PIGK: variants seen among roughly 807,000 people sequenced by gnomAD.
PIGK encodes the protein phosphatidylinositol glycan anchor biosynthesis class K.
PIGK carries 42 observed loss-of-function variants against 50.6 expected under a neutral mutation model. That is an observed-to-expected ratio of 0.83 (90% confidence interval 0.65 to 1.07). The LOEUF (loss-of-function observed/expected upper bound fraction) is 1.07. Among genes scored for constraint, PIGK ranks in the 50% least tolerant of loss-of-function variants. PIGK has a pLI of 0.00. For missense variants in PIGK, 448 were observed against 488.7 expected, an observed-to-expected ratio of 0.92 and a Z score of 0.78; for synonymous variants, 151 against 156.0, an observed-to-expected ratio of 0.97 and a Z score of 0.24.
chr1:77,181,455 G>A (rs1655612396), intron 3 of PIGK, among the ~76,000 whole-genome samples: 1 of 152,058 alleles, frequency 6.6e-6, no homozygotes, highest in South Asian at 2.1e-4. Context: ...TAAATAAATT[G>A]TATTGGTTAA....
intron 9 of PIGK, among the ~76,000 whole-genome samples, chr1:77,130,136 T>C (rs528591757): frequency 1.5e-3 from 220 of 151,306 alleles, no homozygotes; most frequent in Non-Finnish European, 2.5e-3. Flanking sequence ...GAAATAGATG[T>C]TACAAATAAC....
chr1:77,136,061 T>G (rs1222478847), intron 9 of PIGK, among the ~76,000 whole-genome samples: 1 of 152,226 alleles, frequency 6.6e-6, no homozygotes, highest in Non-Finnish European at 1.5e-5. Flanking sequence ...CTTTAGGTAT[T>G]AAGGTATTTT....
At chr1:77,132,813 G>A (rs1361914866) in intron 9 of PIGK, among the ~76,000 whole-genome samples, 17 of 152,000 alleles carry the variant, frequency 1.1e-4, no homozygotes, top group Admixed American at 1.1e-3. Context: ...GCTGTGTAGA[G>A]AATGATAGGT....
At chr1:77,116,247 G>T (rs1023581110) in intron 10 of PIGK, among the ~76,000 whole-genome samples, 4 of 151,732 alleles carry the variant, frequency 2.6e-5, no homozygotes, top group African/African-American at 9.7e-5. Flanking sequence ...GCAGTGGCAC[G>T]ATCTCGGCTC....
At chr1:77,107,660 T>C (rs998271670) in intron 10 of PIGK, among the ~76,000 whole-genome samples, 1 of 152,148 alleles carries the variant, frequency 6.6e-6, no homozygotes, top group Non-Finnish European at 1.5e-5. Flanking sequence ...CTTTCTGTCT[T>C]GTTGATCTGT....
chr1:77,109,713 C>G (rs890532131), intron 10 of PIGK, among the ~76,000 whole-genome samples: 11 of 152,106 alleles, frequency 7.2e-5, no homozygotes, highest in African/African-American at 2.2e-4. Flanking sequence ...GACAGGGATG[C>G]CCTCTCTCAC....
Position 77,166,792 on chromosome 1 carries a change from C to A in PIGK, c.414G>T (p.Arg138Ser). ...VENFLRVLTG[R>S]IPPSTPRSKR... ...TTGACCGAGGAGTACTAGGTGGGAT[C>A]CTCCCAGTTAATACCCGTAAAAAAT... Residue 138 changes from arginine to serine, a missense_variant, in exon 5 of 11, where the codon AGG becomes AGT. Coordinates refer to ENST00000370812, the MANE Select transcript of PIGK (RefSeq NM_005482.3). 6.2e-7 allele frequency: 1 copy of A among 1,601,438 alleles called. No homozygotes were observed. Among genetic ancestry groups the A allele is most frequent in the Non-Finnish European group, 8.5e-7 (1 of 1,172,154 alleles).
Position 77,132,534 on chromosome 1 carries a change from T to C in PIGK, c.987-10175A>G, listed in dbSNP as rs150348882. 2.3e-3 allele frequency among the ~76,000 whole-genome samples: 356 copies of C among 152,152 alleles called. 3 individuals carry two copies. Among genetic ancestry groups the C allele is most frequent in the Non-Finnish European group, 4.2e-3 (287 of 67,888 alleles). On this transcript the variant is annotated intron_variant, in intron 9 of 10. Transcript: ENST00000370812. The stretch of plus-strand genomic sequence containing the variant: ...ATTTGTCCTCCTGCCTTTGACCTTA[T>C]TATTGTCATACATTTTAATTCTATG...
At chr1:77,103,077 T>C (rs1433789532) in intron 10 of PIGK, among the ~76,000 whole-genome samples, 2 of 152,174 alleles carry the variant, frequency 1.3e-5, no homozygotes, top group African/African-American at 2.4e-5. Flanking sequence ...ATTCAGGTTA[T>C]GCATATTGTT....
intron 3 of PIGK, among the ~76,000 whole-genome samples, chr1:77,187,731 G>A (rs954805978): frequency 2.6e-5 from 4 of 152,238 alleles, no homozygotes; most frequent in African/African-American, 9.6e-5. Flanking sequence ...AATCCAGGCA[G>A]GAGTACAAAT....
At chr1:77,178,098 T>C (rs996864769) in intron 3 of PIGK, among the ~76,000 whole-genome samples, 8 of 152,204 alleles carry the variant, frequency 5.3e-5, no homozygotes, top group African/African-American at 1.7e-4. Flanking sequence ...GCACTTTGGG[T>C]ATACTTTTAT....
chr1:77,159,298 T>C (rs1469569014), intron 8 of PIGK, among the ~76,000 whole-genome samples: 1 of 152,052 alleles, frequency 6.6e-6, no homozygotes, highest in East Asian at 1.9e-4. Flanking sequence ...AGAGGATGTA[T>C]GGAAATGCCT....
At chr1:77,146,215 A>T (rs1654763761) in intron 9 of PIGK, among the ~76,000 whole-genome samples, 1 of 152,202 alleles carries the variant, frequency 6.6e-6, no homozygotes, top group Non-Finnish European at 1.5e-5. Context: ...AGACCTACAC[A>T]TAAAAGCTAA....
intron 9 of PIGK, chr1:77,129,066 A>G: frequency 1.2e-6 from 1 of 811,314 alleles, no homozygotes. Context: ...TGCTTTAAAT[A>G]TTTACTATCT....
intron 1 of PIGK, 113 bp downstream of exon 1, chr1:77,219,197 G>A (rs1656659975): frequency 3.8e-6 from 3 of 797,314 alleles, no homozygotes; most frequent in Admixed American, 4.6e-5. Flanking sequence ...AACCCAGCCT[G>A]GGTCAGGGGC....
At chr1:77,211,010 T>A (rs112369851) in intron 1 of PIGK, among the ~76,000 whole-genome samples, 2 of 152,084 alleles carry the variant, frequency 1.3e-5, no homozygotes, top group Non-Finnish European at 2.9e-5. Context: ...TACAATCTGC[T>A]TGTTCAACAT....
intron 3 of PIGK, among the ~76,000 whole-genome samples, chr1:77,205,726 T>C (rs780954226): frequency 1.2e-4 from 19 of 152,124 alleles, no homozygotes; most frequent in Non-Finnish European, 1.9e-4. Flanking sequence ...AAATCAAACC[T>C]AAATAACTGA....
chr1:77,138,606 C>T (rs1192916154), intron 9 of PIGK, among the ~76,000 whole-genome samples: 10 of 152,202 alleles, frequency 6.6e-5, no homozygotes, highest in Admixed American at 6.5e-4. Flanking sequence ...CCTACAGATA[C>T]TGTGAGATAA....
Position 77,196,638 on chromosome 1 carries a change from T to A in PIGK, c.239+10002A>T, listed in dbSNP as rs1315938308. ...TTCTTTTGAGAAGTGTCTGTTTATATCCTTTGCCCAGTTTTTAATGGGGTT... is the reference window on the plus strand; with the variant it reads ...TTCTTTTGAGAAGTGTCTGTTTATAACCTTTGCCCAGTTTTTAATGGGGTT... On this transcript the variant is annotated intron_variant, in intron 3 of 10. Transcript: ENST00000370812. Among the ~76,000 whole-genome samples the A allele has an allele frequency of 2.0e-5, 3 of 152,204 alleles. No homozygotes were observed. In the East Asian group the frequency reaches 5.8e-4, roughly 29 times the overall value.
Sources: allele counts gnomAD v4.1 joint callset (sites outside exome capture counted in the v4.1 genomes callset), GRCh38; gene constraint gnomAD v4.1.1; transcripts MANE v1.5; gene names NCBI Gene and HGNC (gene_info 2026-07-23, HGNC 2026-07-21).